SMAD9: variants seen among roughly 807,000 people sequenced by gnomAD.
SMAD9 encodes MAD homolog 9.
Under a neutral mutation model 46.1 loss-of-function variants are expected in SMAD9, and 36 were observed. The ratio of observed to expected loss-of-function variants is 0.78; its 90% confidence interval spans 0.60 to 1.03. SMAD9 has a LOEUF of 1.03. Ranked by LOEUF, SMAD9 falls within the 50% of genes least tolerant of loss-of-function variation. The pLI is 0.00. For synonymous variants in SMAD9, 245 were observed against 237.1 expected, an observed-to-expected ratio of 1.03 and a Z score of -0.31; for missense variants, 572 against 599.8, an observed-to-expected ratio of 0.95 and a Z score of 0.48.
intron 1 of SMAD9, among the ~76,000 whole-genome samples, chr13:36,900,592 A>G (rs1488951542): frequency 6.6e-6 from 1 of 151,488 alleles, no homozygotes; most frequent in African/African-American, 2.4e-5. Flanking sequence ...ATCTTATTTT[A>G]AACTGCAAAC....
chr13:36,851,597 C>A (rs561045370), intron 6 of SMAD9: 1 of 265,868 alleles, frequency 3.8e-6, no homozygotes, highest in South Asian at 1.4e-4. Flanking sequence ...CTGGCCTGCA[C>A]ATGGCAGGTG....
At chr13:36,879,926 A>ATTTTTT in intron 1 of SMAD9, 51 bp from the exon 2 acceptor site, 1 of 557,188 alleles carries the variant, frequency 1.8e-6, no homozygotes, top group Non-Finnish European at 3.2e-6. Context: ...AACATTCAGA[A>ATTTTTT]AAAGTTGAAG....
intron 1 of SMAD9, among the ~76,000 whole-genome samples, chr13:36,918,694 T>C (rs778535189): frequency 4.9e-4 from 74 of 152,210 alleles, no homozygotes; most frequent in Admixed American, 5.9e-4. Flanking sequence ...TATTGAATCT[T>C]TGTCTATTTG....
chr13:36,874,419 C>T (rs2058325450), intron 2 of SMAD9, among the ~76,000 whole-genome samples: 1 of 152,200 alleles, frequency 6.6e-6, no homozygotes, highest in Admixed American at 6.5e-5. Flanking sequence ...TAGAAGTCAA[C>T]AGACCAATGC....
rs572103596 is a variant in SMAD9, at chr13:36,862,059, G to GCA, written c.1003+3476_1003+3477dup. On this transcript the variant is annotated intron_variant, in intron 5 of 6. Coordinates refer to ENST00000379826, the MANE Select transcript of SMAD9 (RefSeq NM_001127217.3). ...ACCAAAAATAAAACTGGAAGGCCCC[G>GCA]CAACAATTTGAATGGACCCCCTCTC... is the stretch of plus-strand genomic sequence containing the variant. Among the ~76,000 whole-genome samples the GCA allele has an allele frequency of 1.9e-3, 294 of 152,090 alleles. 2 individuals are homozygous for GCA. Among genetic ancestry groups the GCA allele is most frequent in the African/African-American group, 6.5e-3 (271 of 41,492 alleles).
chr13:36,911,978 G>T (rs1228940563), intron 1 of SMAD9, among the ~76,000 whole-genome samples: 3 of 152,160 alleles, frequency 2.0e-5, no homozygotes, highest in Non-Finnish European at 4.4e-5. Context: ...GAAGTGCTGG[G>T]ATTGCAGGTG....
At chr13:36,852,259 A>G (rs2058080683) in intron 6 of SMAD9, 2 of 950,686 alleles carry the variant, frequency 2.1e-6, no homozygotes, top group Middle Eastern at 5.4e-4. Flanking sequence ...TTAAAGTGCT[A>G]ATAAAATTTA....
In SMAD9 at chr13:36,879,398, A is replaced by G; in HGVS notation, c.292T>C (p.Trp98Arg). The G allele has an allele frequency of 6.2e-7, 1 of 1,614,094 alleles. No homozygotes were observed. The highest frequency in any genetic ancestry group is 8.5e-7 in the Non-Finnish European group (1 of 1,180,032). The change falls in exon 2 of 7, where the codon TGG becomes CGG. Residue 98 changes from tryptophan to arginine, a missense_variant. Trp to Arg is a moderately radical substitution (Grantham distance 101). Transcript: ENST00000379826. ...TCGTGGTGGGACTGCAGATCCGGCC[A>G]GCGCCACACGCGACAGTAAATCACA... The part of the protein sequence containing the change: ...PHVIYCRVWR[W>R]PDLQSHHELK...
intron 1 of SMAD9, among the ~76,000 whole-genome samples, chr13:36,907,770 C>T (rs1389572215): frequency 6.6e-6 from 1 of 152,190 alleles, no homozygotes; most frequent in Non-Finnish European, 1.5e-5. Context: ...TAGTAATTTG[C>T]TTCATCACTA....
At chr13:36,889,748 T>C (rs892586016) in intron 1 of SMAD9, among the ~76,000 whole-genome samples, 5 of 152,302 alleles carry the variant, frequency 3.3e-5, no homozygotes, top group Middle Eastern at 3.4e-3. Context: ...GCATGAATGA[T>C]TATCAATTAC....
intron 1 of SMAD9, among the ~76,000 whole-genome samples, chr13:36,880,441 C>T (rs1321095108): frequency 6.6e-6 from 1 of 152,116 alleles, no homozygotes; most frequent in Admixed American, 6.6e-5. Flanking sequence ...TTAGTTTGCA[C>T]AAGCAATCCA....
chr13:36,910,975 T>C (rs1167190764), intron 1 of SMAD9, among the ~76,000 whole-genome samples: 14 of 152,294 alleles, frequency 9.2e-5, no homozygotes, highest in African/African-American at 3.1e-4. Context: ...AAATCCAGTT[T>C]TATCAATACC....
intron 1 of SMAD9, among the ~76,000 whole-genome samples, chr13:36,911,643 T>C (rs1026471865): frequency 1.5e-5 from 2 of 133,952 alleles, no homozygotes; most frequent in African/African-American, 5.2e-5. Context: ...GTGGAGTTCA[T>C]AAACTGATAA....
rs920248566 is a variant in SMAD9, at chr13:36,847,997, CA to C, written c.*678del. On this transcript the variant is annotated 3_prime_UTR_variant, in exon 7 of 7. Transcript: ENST00000379826. ...CATGCTATTTTCATATTTATTTTCC[CA>C]TATTAGACTCTGTTTTTACAGTGGT... 5 of 152,186 alleles carry C rather than the reference CA, an allele frequency of 3.3e-5. No homozygotes were observed. Among genetic ancestry groups the C allele is most frequent in the Non-Finnish European group, 5.9e-5 (4 of 68,052 alleles). The allele number at this position is 152,186 out of a possible 1,614,324, so 9.4% of individuals were successfully genotyped here.
At chr13:36,899,972 G>A (rs1446523640) in intron 1 of SMAD9, among the ~76,000 whole-genome samples, 1 of 152,128 alleles carries the variant, frequency 6.6e-6, no homozygotes, top group African/African-American at 2.4e-5. Flanking sequence ...GTAAAAGCCA[G>A]AAGCCTTACA....
In SMAD9 at chr13:36,916,447, C is replaced by G. The variant is rs186487691; in HGVS notation, c.-187+3669G>C. 2.1e-3 allele frequency among the ~76,000 whole-genome samples: 324 copies of G among 152,192 alleles called. 1 individual carries two copies. The highest frequency in any genetic ancestry group is 7.6e-3 in the African/African-American group (314 of 41,526). ...ACTGGGCTGAGGGGATTTCAGGCCT[C>G]TGAACTAGTCCTCAGCTCAGATTCA... is the stretch of plus-strand genomic sequence containing the variant. On this transcript the variant is annotated intron_variant, in intron 1 of 6. Coordinates refer to ENST00000379826, the MANE Select transcript of SMAD9 (RefSeq NM_001127217.3).
intron 1 of SMAD9, among the ~76,000 whole-genome samples, chr13:36,891,119 T>A (rs1165369723): frequency 6.6e-6 from 1 of 151,144 alleles, no homozygotes; most frequent in Non-Finnish European, 1.5e-5. Flanking sequence ...GAAATACAAA[T>A]CCTAAGAAGA....
intron 1 of SMAD9, among the ~76,000 whole-genome samples, chr13:36,883,719 C>T (rs2058422751): frequency 6.6e-6 from 1 of 152,010 alleles, no homozygotes; most frequent in South Asian, 2.1e-4. Context: ...CCACTGCACT[C>T]CAGCCTGGGC....
Position 36,847,910 on chromosome 13 carries a change from C to T in SMAD9, c.*766G>A, listed in dbSNP as rs2058046834. ...CTCCTCTGTGGAAAGCAGGAGTCTC[C>T]CTGGGTGGCTGGCTCTTGGACCAAG... is the stretch of plus-strand genomic sequence containing the variant. On this transcript the variant is annotated 3_prime_UTR_variant, in exon 7 of 7. Transcript: ENST00000379826. The T allele has an allele frequency of 6.6e-6, 1 of 152,268 alleles. No individual in the cohort carries two copies. Among genetic ancestry groups the T allele is most frequent in the Non-Finnish European group, 1.5e-5 (1 of 68,082 alleles). The allele number at this position is 152,268 out of a possible 1,614,324, so 9.4% of individuals were successfully genotyped here. A position where few individuals can be genotyped will look rare whatever the true frequency, so the allele number is the denominator to read the frequency against.
Sources: allele counts gnomAD v4.1 joint callset (sites outside exome capture counted in the v4.1 genomes callset), GRCh38; gene constraint gnomAD v4.1.1; transcripts MANE v1.5; gene names NCBI Gene and HGNC (gene_info 2026-07-23, HGNC 2026-07-21).